Variants in ZEB1 observed in about 807,000 individuals in gnomAD.
ZEB1 encodes the protein zinc finger E-box binding homeobox 1.
A neutral mutation model predicts 84.9 loss-of-function variants in ZEB1; 21 were observed. That is an observed-to-expected ratio of 0.25 (90% confidence interval 0.18 to 0.36). The LOEUF is 0.36. Among genes scored for constraint, ZEB1 ranks in the 10% least tolerant of loss-of-function variants. ZEB1 has a pLI of 1.00. For missense variants in ZEB1, 1,104 were observed against 1,330.2 expected, an observed-to-expected ratio of 0.83 and a Z score of 2.65; for synonymous variants, 420 against 471.1, an observed-to-expected ratio of 0.89 and a Z score of 1.41.
In ZEB1 at chr10:31,396,039, A is replaced by G. The variant is rs201483062; in HGVS notation, c.59-64998A>G. Among the ~76,000 whole-genome samples, 16 of 152,298 alleles carry G rather than the reference A, an allele frequency of 1.1e-4. No individual in the cohort carries two copies. In the East Asian group the frequency reaches 2.3e-3, roughly 22 times the overall value. On this transcript the variant is annotated intron_variant, in intron 1 of 8. Transcript: ENST00000424869. ...GCATTGTCACTTAACAGACAATACA[A>G]TTTTAAAAATTAAATGCTCAATTTC...
rs1223279175 is a variant in ZEB1, at chr10:31,520,413, G to A, written c.1081G>A (p.Val361Ile). Residue 361 changes from valine (V) to isoleucine (I), a missense_variant, in exon 7 of 9, where the codon GTT (valine) becomes ATT (isoleucine). By Grantham distance (29) the Val-to-Ile change is conservative (BLOSUM62 3). This residue lies in a region of ZEB1 where 111 missense variants were observed against 161.8 expected (regional missense o/e 0.69). Transcript: ENST00000424869. This position sits in a 1 kb window ranked among gnomAD's most constrained non-coding sequence, Gnocchi z 5.1. ...PVDYEFKPIV[V>I]ASGINCSTPL... is the part of the protein sequence containing the mutation. Reference sequence around the variant, plus strand: ...GGATTATGAATTCAAACCCATAGTGGTTGCTTCAGGAATCAACTGTTCAAC... The same window carrying A: ...GGATTATGAATTCAAACCCATAGTGATTGCTTCAGGAATCAACTGTTCAAC... The A allele has an allele frequency of 6.2e-7, 1 of 1,613,908 alleles. No homozygotes were observed. The highest frequency in any genetic ancestry group is 8.5e-7 in the Non-Finnish European group (1 of 1,179,938).
chr10:31,369,867 A>G (rs1463509287), intron 1 of ZEB1, among the ~76,000 whole-genome samples: 12 of 152,202 alleles, frequency 7.9e-5, no homozygotes. Context: ...ACTGTCCAAC[A>G]TTTACCTTTC....
intron 2 of ZEB1, among the ~76,000 whole-genome samples, chr10:31,494,397 T>C (rs2066947778): frequency 6.6e-6 from 1 of 152,044 alleles, no homozygotes; most frequent in Non-Finnish European, 1.5e-5. Flanking sequence ...GTTTTTCCTA[T>C]ATGATCATCT....
At position 31,492,931 on chromosome 10, in the gene ZEB1, T is replaced by A. The variant is rs547172605; in HGVS notation, c.260-2845T>A. Among the ~76,000 whole-genome samples, 4 of 152,100 alleles carry A rather than the reference T, an allele frequency of 2.6e-5. No individual in the cohort carries two copies. In the East Asian group the frequency reaches 7.7e-4, roughly 29 times the overall value. ...CCTTTGACTTATTTTTAAATTAAAC[T>A]TTTTATTTTGACATAATAATAGATT... is the stretch of plus-strand genomic sequence containing the variant. On this transcript the variant is annotated intron_variant, in intron 2 of 8. Transcript: ENST00000424869.
At chr10:31,339,767 TAA>T (rs35154398) in intron 1 of ZEB1, among the ~76,000 whole-genome samples, 22 of 137,234 alleles carry the variant, frequency 1.6e-4, no homozygotes, top group East Asian at 8.3e-4. Context: ...TGTCTCAAAT[TAA>T]AAAAAAAAAA....
Position 31,521,326 on chromosome 10 carries a change from C to A in ZEB1, c.1994C>A (p.Ser665Tyr), listed in dbSNP as rs141110915. ...IPAKNNDQPQ[S>Y]ANANEPQDST... ...GCCAAGAACAATGATCAGCCTCAATCTGCAAATGCAAATGAACCCCAGGAC... is the reference window on the plus strand; with the variant it reads ...GCCAAGAACAATGATCAGCCTCAATATGCAAATGCAAATGAACCCCAGGAC... Residue 665 changes from serine to tyrosine, a missense_variant, in exon 7 of 9, where the codon TCT becomes TAT. This residue lies in a region of ZEB1 where 531 missense variants were observed against 575.2 expected (regional missense o/e 0.92). Coordinates refer to ENST00000424869, the MANE Select transcript of ZEB1 (RefSeq NM_001174096.2). 1 of 1,614,120 alleles carries A rather than the reference C, an allele frequency of 6.2e-7. No individual in the cohort carries two copies. The highest frequency in any genetic ancestry group is 1.3e-5 in the African/African-American group (1 of 75,064).
At chr10:31,342,425 G>A (rs1190103917) in intron 1 of ZEB1, among the ~76,000 whole-genome samples, 2 of 152,224 alleles carry the variant, frequency 1.3e-5, no homozygotes, top group Non-Finnish European at 2.9e-5. Flanking sequence ...AGGGGAGAAA[G>A]TTATCATCAG....
At chr10:31,441,814 T>C (rs899249527) in intron 1 of ZEB1, among the ~76,000 whole-genome samples, 3 of 152,212 alleles carry the variant, frequency 2.0e-5, no homozygotes, top group African/African-American at 7.2e-5. Flanking sequence ...AAAATGCTCA[T>C]TATCACTGGC....
At chr10:31,424,803 T>C (rs2056716432) in intron 1 of ZEB1, among the ~76,000 whole-genome samples, 1 of 152,020 alleles carries the variant, frequency 6.6e-6, no homozygotes, top group South Asian at 2.1e-4. Context: ...TAGGTTTTTC[T>C]CTTTTAAGTG....
intron 1 of ZEB1, among the ~76,000 whole-genome samples, chr10:31,458,919 G>A (rs1478158803): frequency 2.6e-5 from 4 of 152,084 alleles, no homozygotes; most frequent in Non-Finnish European, 4.4e-5. Flanking sequence ...TTATGATGGT[G>A]TTATGTCCTG....
At chr10:31,330,784 A>T (rs1472606812) in intron 1 of ZEB1, among the ~76,000 whole-genome samples, 2 of 151,942 alleles carry the variant, frequency 1.3e-5, no homozygotes, top group Non-Finnish European at 2.9e-5. Flanking sequence ...TTTCTTAGAA[A>T]ATATAGATGT....
At position 31,461,207 on chromosome 10, in the gene ZEB1, G is replaced by C; in HGVS notation, c.229G>C (p.Gly77Arg). 1 of 1,613,226 alleles carries C rather than the reference G, an allele frequency of 6.2e-7. No individual in the cohort carries two copies. Among genetic ancestry groups the C allele is most frequent in the Non-Finnish European group, 8.5e-7 (1 of 1,179,568 alleles). ...ACCAGGGAGGAGCAGTGAAAGAGAAGGGAATGCTAAGAACTGCTGGGAGGA... is the reference window on the plus strand; with the variant it reads ...ACCAGGGAGGAGCAGTGAAAGAGAACGGAATGCTAAGAACTGCTGGGAGGA... ...VLPGRSSERE[G>R]NAKNCWEDDT... Residue 77 changes from glycine (G) to arginine (R), a missense_variant, in exon 2 of 9, where the codon GGG becomes CGG. Around this residue, in one of 7 missense-constraint regions of ZEB1, gnomAD observed 162 missense variants for 184.5 expected, o/e 0.88. Transcript: ENST00000424869.
At chr10:31,515,857 T>C (rs2070995858) in intron 6 of ZEB1, among the ~76,000 whole-genome samples, 1 of 152,104 alleles carries the variant, frequency 6.6e-6, no homozygotes, top group Non-Finnish European at 1.5e-5. Flanking sequence ...TCAATAATAA[T>C]ATATTTTAAC....
At chr10:31,365,524 T>C (rs999351706) in intron 1 of ZEB1, among the ~76,000 whole-genome samples, 1 of 152,248 alleles carries the variant, frequency 6.6e-6, no homozygotes, top group African/African-American at 2.4e-5. Flanking sequence ...ACATACCTTT[T>C]ATTTAATCCA....
At position 31,373,223 on chromosome 10, in the gene ZEB1, C is replaced by T; in HGVS notation, c.58+53931C>T. The T allele has an allele frequency of 5.1e-6, 5 of 978,676 alleles. No homozygotes were observed. In the South Asian group the frequency reaches 2.4e-4, roughly 46 times the overall value. 60.6% of individuals were successfully genotyped at this position (978,676 alleles called of 1,614,324 possible). A position where few individuals can be genotyped will look rare whatever the true frequency, so the allele number is the denominator to read the frequency against. On this transcript the variant is annotated intron_variant, in intron 1 of 8. Transcript: ENST00000424869. Reference sequence around the variant, plus strand: ...TGTGTGTGTGTGTGTGTGTGTAAAGCCTACCAATGTATTATATTTGAATTA... The same window carrying T: ...TGTGTGTGTGTGTGTGTGTGTAAAGTCTACCAATGTATTATATTTGAATTA...
At chr10:31,378,181 G>A (rs1485458201) in intron 1 of ZEB1, among the ~76,000 whole-genome samples, 2 of 151,406 alleles carry the variant, frequency 1.3e-5, no homozygotes, top group Admixed American at 6.6e-5. Flanking sequence ...CTAAAAAGGC[G>A]GGAGAGTATT....
chr10:31,337,078 ATATT>A (rs1037478701), intron 1 of ZEB1, among the ~76,000 whole-genome samples: 1 of 152,234 alleles, frequency 6.6e-6, no homozygotes, highest in Non-Finnish European at 1.5e-5. Flanking sequence ...AAATTGTAGT[ATATT>A]TATACAATGG....
chr10:31,399,904 G>A (rs2135458602), intron 1 of ZEB1, among the ~76,000 whole-genome samples: 1 of 152,270 alleles, frequency 6.6e-6, no homozygotes, highest in African/African-American at 2.4e-5. Flanking sequence ...TGCCAGGCAA[G>A]TTCTTGCTTT....
intron 1 of ZEB1, among the ~76,000 whole-genome samples, chr10:31,342,052 C>G (rs1229303526): frequency 6.6e-6 from 1 of 152,112 alleles, no homozygotes; most frequent in Admixed American, 6.6e-5. Flanking sequence ...TTATTCTTTA[C>G]GTATATTAAC....
Sources: gnomAD v4.1 joint callset for allele counts (sites outside exome capture counted in the v4.1 genomes callset) on GRCh38, gnomAD v4.1.1 for gene constraint, gnomAD v4.1.1 regional missense constraint, Gnocchi (gnomAD v3.1) non-coding constraint, MANE v1.5 for transcripts, NCBI Gene and HGNC (gene_info 2026-07-23, HGNC 2026-07-21) for gene names.